CRPPA: variants seen among roughly 807,000 people sequenced by gnomAD.
CRPPA encodes the protein CDP-L-ribitol pyrophosphorylase A.
In CRPPA, 43 loss-of-function variants were observed where a neutral mutation model predicts 52.0. The ratio of observed to expected loss-of-function variants is 0.83; its 90% confidence interval spans 0.65 to 1.07. CRPPA has a LOEUF of 1.07. CRPPA is among the 50% of genes least tolerant of loss of function. The probability of loss-of-function intolerance (pLI) is 0.00; values close to 1 mark genes in which losing one functional copy is unlikely to be tolerated. For synonymous variants in CRPPA, 250 were observed against 203.5 expected (o/e 1.23, Z -1.94); for missense variants, 629 against 551.7 (o/e 1.14, Z -1.40).
intron 3 of CRPPA, among the ~76,000 whole-genome samples, chr7:16,310,380 G>C (rs1785008428): frequency 6.6e-6 from 1 of 152,226 alleles, no homozygotes; most frequent in South Asian, 2.1e-4. Context: ...GCCCCAAGTA[G>C]AAAACTCACC....
intron 9 of CRPPA, among the ~76,000 whole-genome samples, chr7:16,147,611 T>G (rs941456262): frequency 1.3e-5 from 2 of 152,176 alleles, no homozygotes; most frequent in Non-Finnish European, 2.9e-5. Flanking sequence ...TAAGAAAAAT[T>G]TGAAAAGGAT....
intron 5 of CRPPA, among the ~76,000 whole-genome samples, chr7:16,286,134 G>T (rs1784444175): frequency 1.1e-5 from 1 of 91,890 alleles, no homozygotes; most frequent in African/African-American, 4.5e-5. Context: ...AAGAAACAAT[G>T]TACAACTTAA....
intron 9 of CRPPA, among the ~76,000 whole-genome samples, chr7:16,138,018 G>C (rs371167396): frequency 3.2e-4 from 49 of 151,994 alleles, no homozygotes; most frequent in South Asian, 8.3e-4. Context: ...ATTCTTTTTT[G>C]AAGTGACAAG....
At chr7:16,405,985 A>C in intron 2 of CRPPA, 76 bp downstream of exon 2, 1 of 1,330,648 alleles carries the variant, frequency 7.5e-7, no homozygotes. Flanking sequence ...TTTAAACAGA[A>C]TTGAATCAAA....
chr7:16,335,354 C>A (rs1038861420), intron 3 of CRPPA, among the ~76,000 whole-genome samples: 1 of 151,966 alleles, frequency 6.6e-6, no homozygotes. Context: ...CTCCTTCCCC[C>A]ACCCTCTGCA....
At chr7:16,397,934 T>C (rs967466522) in intron 2 of CRPPA, among the ~76,000 whole-genome samples, 1 of 152,190 alleles carries the variant, frequency 6.6e-6, no homozygotes, top group African/African-American at 2.4e-5. Flanking sequence ...GGCAGGTGAT[T>C]GACACGTGAT....
intron 8 of CRPPA, among the ~76,000 whole-genome samples, chr7:16,240,572 TA>T (rs1783076271): frequency 6.8e-6 from 1 of 148,016 alleles, no homozygotes; most frequent in Non-Finnish European, 1.5e-5. Context: ...TTATTACACA[TA>T]CACACACACA....
intron 1 of CRPPA, among the ~76,000 whole-genome samples, chr7:16,408,866 T>A (rs1583587759): frequency 1.3e-5 from 2 of 152,310 alleles, no homozygotes; most frequent in South Asian, 4.2e-4. Flanking sequence ...GATGTCAGAC[T>A]GATGCAGGGC....
intron 8 of CRPPA, among the ~76,000 whole-genome samples, chr7:16,216,807 C>T (rs1357486735): frequency 2.0e-5 from 3 of 152,232 alleles, no homozygotes; most frequent in Admixed American, 2.0e-4. Context: ...CGGAGTCTCA[C>T]TGATTGCTAG....
chr7:16,210,470 C>A (rs1302596058), intron 9 of CRPPA: 2 of 152,202 alleles, frequency 1.3e-5, no homozygotes, highest in Non-Finnish European at 2.9e-5. Flanking sequence ...TTCTGGTTCT[C>A]TCTTGCATTC....
intron 9 of CRPPA, among the ~76,000 whole-genome samples, chr7:16,101,665 A>G (rs946345114): frequency 2.0e-5 from 3 of 152,132 alleles, no homozygotes; most frequent in African/African-American, 7.2e-5. Flanking sequence ...AAGCATTCCT[A>G]TACACCAATA....
At chr7:16,237,079 A>G (rs1405547180) in intron 8 of CRPPA, among the ~76,000 whole-genome samples, 3 of 152,088 alleles carry the variant, frequency 2.0e-5, no homozygotes, top group Non-Finnish European at 2.9e-5. Flanking sequence ...TTCCCTCTCT[A>G]ATCTTCCGTA....
intron 3 of CRPPA, among the ~76,000 whole-genome samples, chr7:16,356,564 T>C (rs1213349128): frequency 6.6e-6 from 1 of 152,198 alleles, no homozygotes; most frequent in Non-Finnish European, 1.5e-5. Context: ...TTGTTCTCTT[T>C]GAACGCTGCA....
intron 9 of CRPPA, among the ~76,000 whole-genome samples, chr7:16,207,128 C>T (rs779699958): frequency 6.6e-6 from 1 of 152,046 alleles, no homozygotes; most frequent in African/African-American, 2.4e-5. Context: ...CCTTATTTTG[C>T]AAACTATTCT....
In CRPPA at chr7:16,238,601, T is replaced by C. The variant is rs559504186; in HGVS notation, c.1119+19789A>G. ...AAAAATTGGACATAAAAAAGGAGGA[T>C]AAGAAATGGACAAATACAAGAGAAA... On this transcript the variant is annotated intron_variant, in intron 8 of 9. Transcript: ENST00000407010. Among the ~76,000 whole-genome samples, 7 of 152,064 alleles carry C rather than the reference T, an allele frequency of 4.6e-5. No homozygotes were observed. The South Asian group carries it at 1.0e-3, about 23-fold the overall frequency.
intron 8 of CRPPA, among the ~76,000 whole-genome samples, chr7:16,240,676 A>G (rs1038388442): frequency 2.6e-5 from 4 of 152,148 alleles, no homozygotes; most frequent in African/African-American, 7.2e-5. Flanking sequence ...TAAACCCAAT[A>G]TGGATGCAGT....
rs544225895 is a variant in CRPPA, at chr7:16,092,692, A to G, written c.1252-893T>C. ...TCATTTCCCACAGGGAAGTCAAAATACTTATTTTAAAATATAGATCTGATC... is the reference window on the plus strand; with the variant it reads ...TCATTTCCCACAGGGAAGTCAAAATGCTTATTTTAAAATATAGATCTGATC... On this transcript the variant is annotated intron_variant, in intron 9 of 9. Coordinates refer to ENST00000407010, the MANE Select transcript of CRPPA (RefSeq NM_001101426.4). Among the ~76,000 whole-genome samples the G allele has an allele frequency of 1.3e-4, 20 of 152,260 alleles. No homozygotes were observed. The South Asian group carries it at 3.1e-3, about 24-fold the overall frequency.
chr7:16,361,060 T>A (rs59806774), intron 3 of CRPPA, among the ~76,000 whole-genome samples: 60,865 of 151,926 alleles, frequency 0.4, 12,403 homozygotes, highest in East Asian at 0.46. Flanking sequence ...AATTGAATAG[T>A]CATTTCTCCC....
chr7:16,273,497 G>A (rs1295132), intron 6 of CRPPA, among the ~76,000 whole-genome samples: 1 of 151,066 alleles, frequency 6.6e-6, no homozygotes, highest in Non-Finnish European at 1.5e-5. Flanking sequence ...CAGAGAAGAG[G>A]TCAGCAGGGG....
Sources: gnomAD v4.1 joint callset for allele counts (sites outside exome capture counted in the v4.1 genomes callset) on GRCh38, gnomAD v4.1.1 for gene constraint, MANE v1.5 for transcripts, NCBI Gene and HGNC (gene_info 2026-07-23, HGNC 2026-07-21) for gene names.